Variants in TRAK2 observed in about 807,000 individuals in gnomAD.
TRAK2 encodes the protein trafficking kinesin-binding protein 2.
A neutral mutation model predicts 104.6 loss-of-function variants in TRAK2; 81 were observed. The observed-to-expected ratio is 0.77, with a 90% CI of 0.65 to 0.93. The LOEUF is 0.93. TRAK2 is among the 40% of genes least tolerant of loss of function. The pLI is 0.00. For synonymous variants in TRAK2, 406 were observed against 394.4 expected (o/e 1.03, Z -0.35); for missense variants, 1,002 against 1,089.0 (o/e 0.92, Z 1.12).
At chr2:201,414,966 TAGTAGATTA>T (rs1951679599) in intron 2 of TRAK2, among the ~76,000 whole-genome samples, 1 of 44,930 alleles carries the variant, frequency 2.2e-5, no homozygotes, top group South Asian at 1.5e-3. Flanking sequence ...AATCCAGGCT[TAGTAGATTA>T]AGCTAAATAT....
At position 201,434,934 on chromosome 2, in the gene TRAK2, C is replaced by A. The variant is rs561792421; in HGVS notation, c.-199-14228G>T. 5.3e-5 allele frequency among the ~76,000 whole-genome samples: 8 copies of A among 152,176 alleles called. No homozygotes were observed. In the East Asian group the frequency reaches 1.4e-3, roughly 26 times the overall value. On this transcript the variant is annotated intron_variant, in intron 1 of 15. Transcript: ENST00000332624. The stretch of plus-strand genomic sequence containing the variant: ...ACAAAGCAAATTATTATTTGCCAGT[C>A]AAAAATAATTTAGTGACGGTCATAT...
intron 2 of TRAK2, among the ~76,000 whole-genome samples, chr2:201,417,256 A>AG (rs1951701421): frequency 6.7e-6 from 1 of 150,218 alleles, no homozygotes; most frequent in Non-Finnish European, 1.5e-5. Context: ...AAAAAAAAAA[A>AG]AAAGAAAAGA....
In TRAK2 at chr2:201,412,202, A is replaced by G. The variant is rs1951653149; in HGVS notation, c.92-4605T>C. 1.0e-5 allele frequency: 10 copies of G among 972,232 alleles called. 1 individual carries two copies. In the South Asian group the frequency reaches 1.3e-4, roughly 13 times the overall value. The allele number at this position is 972,232 out of a possible 1,614,324, so 60.2% of individuals were successfully genotyped here. Reference sequence around the variant, plus strand: ...GTTTACAAATTCTGAAGTCAAATCAAAATTCTCTGTACAATGACATGCTTG... The same window carrying G: ...GTTTACAAATTCTGAAGTCAAATCAGAATTCTCTGTACAATGACATGCTTG... On this transcript the variant is annotated intron_variant, in intron 2 of 15. Transcript: ENST00000332624.
At chr2:201,415,096 C>G (rs1386799079) in intron 2 of TRAK2, among the ~76,000 whole-genome samples, 1 of 90,942 alleles carries the variant, frequency 1.1e-5, no homozygotes, top group African/African-American at 3.5e-5. Context: ...CAAATGTCTC[C>G]TTCATGTCCA....
intron 14 of TRAK2, among the ~76,000 whole-genome samples, chr2:201,385,111 G>A (rs917934604): frequency 6.6e-6 from 1 of 152,134 alleles, no homozygotes; most frequent in African/African-American, 2.4e-5. Flanking sequence ...TGGAAAACTC[G>A]TATCCACCAC....
At chr2:201,433,755 G>A (rs1319054749) in intron 1 of TRAK2, among the ~76,000 whole-genome samples, 3 of 152,160 alleles carry the variant, frequency 2.0e-5, no homozygotes, top group Non-Finnish European at 4.4e-5. Context: ...CGCGGTTTTT[G>A]ATAAGTTTCC....
intron 1 of TRAK2, among the ~76,000 whole-genome samples, chr2:201,421,885 CTACAGA>C (rs1475510886): frequency 1.3e-5 from 2 of 151,716 alleles, no homozygotes; most frequent in African/African-American, 4.8e-5. Context: ...CCTGTCTCTA[CTACAGA>C]TACAAAAATT....
Position 201,432,345 on chromosome 2 carries a change from C to T in TRAK2, c.-199-11639G>A, listed in dbSNP as rs542314186. ...CAGTGCCTTTCCTAGTCTGTGCACA[C>T]GTATTCTGTGCACTTTTTTCAGGGC... On this transcript the variant is annotated intron_variant, in intron 1 of 15. Transcript: ENST00000332624. 5.3e-5 allele frequency among the ~76,000 whole-genome samples: 8 copies of T among 152,270 alleles called. No homozygotes were observed. In the South Asian group the frequency reaches 8.3e-4, roughly 16 times the overall value.
Position 201,386,361 on chromosome 2 carries a change from A to T in TRAK2, c.1820T>A (p.Ile607Asn), listed in dbSNP as rs746670078. 3.1e-6 allele frequency: 5 copies of T among 1,614,150 alleles called. No homozygotes were observed. The highest frequency in any genetic ancestry group is 4.2e-6 in the Non-Finnish European group (5 of 1,180,020). The part of the protein sequence containing the change: ...TQLPGDAIYH[I>N]SDLEEDEEEG... Reference sequence around the variant, plus strand: ...CTCTTCATCCTCTTCTAAATCTGAGATGTGATAAATAGCATCCCCGGGCAA... The same window carrying T: ...CTCTTCATCCTCTTCTAAATCTGAGTTGTGATAAATAGCATCCCCGGGCAA... Residue 607 changes from isoleucine (I) to asparagine (N), a missense_variant, in exon 14 of 16, where the codon ATC becomes AAC. Physicochemically the swap from Ile to Asn is moderately radical, Grantham distance 149. Transcript: ENST00000332624.
In TRAK2 at chr2:201,405,387, C is replaced by A. The variant is rs1189344647; in HGVS notation, c.286+2016G>T. Among the ~76,000 whole-genome samples, 3 of 152,176 alleles carry A rather than the reference C, an allele frequency of 2.0e-5. No homozygotes were observed. In the South Asian group the frequency reaches 6.2e-4, roughly 32 times the overall value. On this transcript the variant is annotated intron_variant, in intron 3 of 15. Transcript: ENST00000332624. ...TTCCTTAATTCTCCAATTAATGTCA[C>A]TGTGAAATGGCCATTTGCTTTGGTT...
At chr2:201,398,092 C>T in intron 6 of TRAK2, 53 bp downstream of exon 6, 1 of 1,557,324 alleles carries the variant, frequency 6.4e-7, no homozygotes, top group South Asian at 1.1e-5. Flanking sequence ...GTACCTGGAC[C>T]TGAACTTTAT....
intron 2 of TRAK2, chr2:201,412,672 G>A (rs1951658325): frequency 2.6e-6 from 4 of 1,542,518 alleles, no homozygotes; most frequent in Middle Eastern, 2.1e-4. Flanking sequence ...TTCTTTACAA[G>A]GAAATTTAGG....
chr2:201,390,630 T>TA (rs1359635361), intron 10 of TRAK2, among the ~76,000 whole-genome samples: 1 of 151,000 alleles, frequency 6.6e-6, no homozygotes, highest in Non-Finnish European at 1.5e-5. Context: ...TTTATAATAT[T>TA]AAAAAATCAC....
In TRAK2 at chr2:201,395,370, C is replaced by T; in HGVS notation, c.844G>A (p.Glu282Lys). ...GKSDELIRYQEELSSLLSQIV... is the reference protein window; with the variant it reads ...GKSDELIRYQKELSSLLSQIV... ...TGTGACAAAAGAGAGGAAAGCTCTTCTTGGTATCGAATCAGCTCATCACTC... is the reference window on the plus strand; with the variant it reads ...TGTGACAAAAGAGAGGAAAGCTCTTTTTGGTATCGAATCAGCTCATCACTC... Residue 282 changes from glutamate to lysine, a missense_variant, in exon 8 of 16, where the codon GAA becomes AAA. Physicochemically the swap from Glu to Lys is moderately conservative, Grantham distance 56. Coordinates refer to ENST00000332624, the MANE Select transcript of TRAK2 (RefSeq NM_015049.3). 1.2e-6 allele frequency: 2 copies of T among 1,604,942 alleles called. No individual in the cohort carries two copies. The highest frequency in any genetic ancestry group is 1.3e-5 in the African/African-American group (1 of 74,950).
chr2:201,397,679 CT>C, intron 6 of TRAK2, 99 bp from the exon 7 acceptor site: 1 of 886,044 alleles, frequency 1.1e-6, no homozygotes, highest in Non-Finnish European at 1.8e-6. Flanking sequence ...AATTTCATCA[CT>C]TACAAAGGAA....
intron 1 of TRAK2, among the ~76,000 whole-genome samples, chr2:201,439,478 A>G (rs1303640462): frequency 6.6e-6 from 1 of 152,126 alleles, no homozygotes; most frequent in Non-Finnish European, 1.5e-5. Context: ...CATGATAACG[A>G]GGAAAGTCCA....
intron 2 of TRAK2, among the ~76,000 whole-genome samples, chr2:201,413,726 T>A (rs1951668536): frequency 6.6e-6 from 1 of 151,854 alleles, no homozygotes; most frequent in Admixed American, 6.6e-5. Context: ...CAGACCTGGG[T>A]CTCGACTTCC....
chr2:201,438,113 T>C lies in TRAK2; in HGVS notation c.-200+13237A>G, dbSNP rs117737592. Among the ~76,000 whole-genome samples the C allele has an allele frequency of 3.3e-5, 5 of 152,294 alleles. No individual in the cohort carries two copies. The East Asian group carries it at 7.7e-4, about 23-fold the overall frequency. On this transcript the variant is annotated intron_variant, in intron 1 of 15. Transcript: ENST00000332624. ...TTGAAGAGGAGACACCACTACCCTG[T>C]GAAACTTTTCCTGAGCAAAAGGAAC...
rs369969654 is a variant in TRAK2, at chr2:201,394,343, C to CTTTTTTTTT, written c.975+454_975+455insAAAAAAAAA. Among the ~76,000 whole-genome samples, 2 of 126,590 alleles carry CTTTTTTTTT rather than the reference C, an allele frequency of 1.6e-5. 1 individual carries two copies. 83.0% of individuals were successfully genotyped at this position (126,590 alleles called of 152,430 possible). A position where few individuals can be genotyped will look rare whatever the true frequency, so the allele number is the denominator to read the frequency against. On this transcript the variant is annotated intron_variant, in intron 9 of 15. Transcript: ENST00000332624. ...ACTTTTAAAATGCTTTATTCTTTTT[C>CTTTTTTTTT]TTTCTTTTTTTTTTTTTGAGACGAA...
Sources: allele counts gnomAD v4.1 joint callset (sites outside exome capture counted in the v4.1 genomes callset), GRCh38; gene constraint gnomAD v4.1.1; transcripts MANE v1.5; gene names NCBI Gene and HGNC (gene_info 2026-07-23, HGNC 2026-07-21).